RABGAP1L: variants seen among roughly 807,000 people sequenced by gnomAD.
The protein encoded by RABGAP1L is RAB GTPase activating protein 1 like.
RABGAP1L carries 63 observed loss-of-function variants against 137.7 expected under a neutral mutation model. The observed-to-expected ratio is 0.46, with a 90% CI of 0.37 to 0.56. RABGAP1L has a LOEUF of 0.56. Ranked by LOEUF, RABGAP1L falls within the 20% of genes least tolerant of loss-of-function variation. The pLI, the probability that RABGAP1L is intolerant of heterozygous loss-of-function variation, is 0.00. For synonymous variants in RABGAP1L, 431 were observed against 433.7 expected, an observed-to-expected ratio of 0.99 and a Z score of 0.08; for missense variants, 1,095 against 1,244.0, an observed-to-expected ratio of 0.88 and a Z score of 1.80.
chr1:174,459,626 C>A (rs975075504), intron 13 of RABGAP1L, among the ~76,000 whole-genome samples: 1 of 152,024 alleles, frequency 6.6e-6, no homozygotes, highest in African/African-American at 2.4e-5. Context: ...AAGAAATGTA[C>A]AAATACATTT....
intron 19 of RABGAP1L, among the ~76,000 whole-genome samples, chr1:174,848,969 C>T (rs1325114106): frequency 4.0e-5 from 6 of 151,792 alleles, no homozygotes; most frequent in African/African-American, 7.3e-5. Flanking sequence ...GCGCAATATT[C>T]GGGTGGGAGT....
chr1:174,922,045 C>T lies in RABGAP1L; in HGVS notation c.2341-35412C>T, dbSNP rs140796777. 2.0e-5 allele frequency: 3 copies of T among 152,130 alleles called. No homozygotes were observed. In the East Asian group the frequency reaches 5.8e-4, roughly 29 times the overall value. The allele number at this position is 152,130 out of a possible 1,614,324, so 9.4% of individuals were successfully genotyped here. A position where few individuals can be genotyped will look rare whatever the true frequency, so the allele number is the denominator to read the frequency against. Reference sequence around the variant, plus strand: ...CCTTCAATTTTTTTAAGTATAATTTCCATTTTATTTTTCTCCAGAAGATAG... The same window carrying T: ...CCTTCAATTTTTTTAAGTATAATTTTCATTTTATTTTTCTCCAGAAGATAG... On this transcript the variant is annotated intron_variant, in intron 19 of 25. Transcript: ENST00000681986.
intron 13 of RABGAP1L, among the ~76,000 whole-genome samples, chr1:174,631,984 A>T: frequency 2.3e-5 from 2 of 85,204 alleles, no homozygotes; most frequent in Admixed American, 1.3e-4. Flanking sequence ...GTTTCTTCCT[A>T]GTCTCGATGG....
intron 13 of RABGAP1L, among the ~76,000 whole-genome samples, chr1:174,539,871 G>A (rs1665223807): frequency 6.6e-6 from 1 of 152,210 alleles, no homozygotes; most frequent in South Asian, 2.1e-4. Context: ...TCGCCACACT[G>A]TCTTCCACAA....
At chr1:174,812,365 A>G (rs1016921550) in intron 19 of RABGAP1L, among the ~76,000 whole-genome samples, 2 of 152,222 alleles carry the variant, frequency 1.3e-5, no homozygotes, top group African/African-American at 4.8e-5. Context: ...TTGAGTCTTG[A>G]TCTGCCCATT....
chr1:174,776,159 C>T (rs2148746278), intron 18 of RABGAP1L, among the ~76,000 whole-genome samples: 1 of 152,210 alleles, frequency 6.6e-6, no homozygotes, highest in East Asian at 1.9e-4. Context: ...AACTTGAGAT[C>T]AGGAGTTCAA....
chr1:174,923,930 T>A (rs2149238086), intron 19 of RABGAP1L, among the ~76,000 whole-genome samples: 1 of 152,036 alleles, frequency 6.6e-6, no homozygotes, highest in South Asian at 2.1e-4. Flanking sequence ...TAATTGTAGC[T>A]TTTGTCACCT....
chr1:174,369,635 A>T (rs1030401488), intron 11 of RABGAP1L, among the ~76,000 whole-genome samples: 3 of 152,200 alleles, frequency 2.0e-5, no homozygotes, highest in Non-Finnish European at 4.4e-5. Flanking sequence ...TATATCATTC[A>T]GTTGTTTCTA....
intron 11 of RABGAP1L, among the ~76,000 whole-genome samples, chr1:174,312,276 A>G (rs906422961): frequency 7.2e-5 from 11 of 152,166 alleles, no homozygotes; most frequent in African/African-American, 2.7e-4. Flanking sequence ...TTTTGGATGT[A>G]AGCTATTTTA....
intron 7 of RABGAP1L, among the ~76,000 whole-genome samples, chr1:174,267,850 G>C (rs765236453): frequency 6.6e-6 from 1 of 152,124 alleles, no homozygotes; most frequent in Non-Finnish European, 1.5e-5. Flanking sequence ...AATTTTTAAA[G>C]GTTACTGAAG....
At chr1:174,366,778 G>GAAAAAAA (rs71117562) in intron 11 of RABGAP1L, among the ~76,000 whole-genome samples, 71 of 94,818 alleles carry the variant, frequency 7.5e-4, no homozygotes, top group African/African-American at 2.1e-3. Flanking sequence ...CCGTCTCCAG[G>GAAAAAAA]AAAAAAAAAA....
Position 174,472,156 on chromosome 1 carries a change from C to A in RABGAP1L, c.1710+78011C>A, listed in dbSNP as rs138854351. Among the ~76,000 whole-genome samples the A allele has an allele frequency of 7.2e-4, 109 of 152,204 alleles. 1 individual carries two copies. Among genetic ancestry groups the A allele is most frequent in the Middle Eastern group, 6.8e-3 (2 of 294 alleles). ...AGTAAATTTCTGTTGTTTAAGACAC[C>A]CAGCTGTATGTTTTTCTTGCAGCCA... On this transcript the variant is annotated intron_variant, in intron 13 of 25. Coordinates refer to ENST00000681986, the MANE Select transcript of RABGAP1L (RefSeq NM_001366446.1).
At chr1:174,811,072 G>A (rs58762254) in intron 18 of RABGAP1L, among the ~76,000 whole-genome samples, 2 of 152,008 alleles carry the variant, frequency 1.3e-5, no homozygotes, top group Non-Finnish European at 2.9e-5. Context: ...ATGCACTCCC[G>A]CCTGGGCAAC....
At chr1:174,458,425 TTGTGC>T (rs1412743554) in intron 13 of RABGAP1L, among the ~76,000 whole-genome samples, 1 of 151,910 alleles carries the variant, frequency 6.6e-6, no homozygotes, top group Non-Finnish European at 1.5e-5. Flanking sequence ...CAGTAGAATG[TTGTGC>T]TTTTATGTTT....
intron 1 of RABGAP1L, among the ~76,000 whole-genome samples, chr1:174,197,695 G>A (rs1438150906): frequency 6.6e-6 from 1 of 152,062 alleles, no homozygotes; most frequent in Non-Finnish European, 1.5e-5. Context: ...AGCCACTCGG[G>A]TGGCTGAGGC....
intron 19 of RABGAP1L, among the ~76,000 whole-genome samples, chr1:174,886,059 G>A (rs1655065486): frequency 7.0e-6 from 1 of 142,150 alleles, no homozygotes; most frequent in African/African-American, 2.7e-5. Context: ...TGTTGCCCAC[G>A]CTGGAGTACA....
At chr1:174,620,036 C>G (rs1420167979) in intron 13 of RABGAP1L, among the ~76,000 whole-genome samples, 1 of 152,070 alleles carries the variant, frequency 6.6e-6, no homozygotes, top group East Asian at 1.9e-4. Flanking sequence ...TCAAAAGAGA[C>G]AAAGAAGGCC....
At chr1:174,272,588 CA>C in intron 8 of RABGAP1L, 108 bp downstream of exon 8, 2 of 1,321,526 alleles carry the variant, frequency 1.5e-6, no homozygotes, top group East Asian at 5.8e-5. Flanking sequence ...TTATTTCTTG[CA>C]GCTGTGTGAT....
intron 13 of RABGAP1L, among the ~76,000 whole-genome samples, chr1:174,455,199 G>C (rs934751194): frequency 3.9e-5 from 6 of 152,020 alleles, no homozygotes; most frequent in African/African-American, 1.4e-4. Context: ...TAAGGTTTAA[G>C]GTGATAAATA....
Sources: allele counts gnomAD v4.1 joint callset (sites outside exome capture counted in the v4.1 genomes callset), GRCh38; gene constraint gnomAD v4.1.1; transcripts MANE v1.5; gene names NCBI Gene and HGNC (gene_info 2026-07-23, HGNC 2026-07-21).